The following XKRX variants were observed in gnomAD, a reference collection of about 807,000 sequenced individuals.
XKRX encodes the protein XK-related protein 2.
In XKRX, 11 loss-of-function variants were observed where a neutral mutation model predicts 22.4. The observed-to-expected ratio is 0.49, with a 90% CI of 0.31 to 0.81. The LOEUF is 0.81. Ranked by LOEUF, XKRX falls within the 40% of genes least tolerant of loss-of-function variation. The pLI is 0.05. For missense variants in XKRX, 320 were observed against 336.5 expected, an observed-to-expected ratio of 0.95 and a Z score of 0.38; for synonymous variants, 114 against 132.2, an observed-to-expected ratio of 0.86 and a Z score of 0.94.
chrX:100,935,652 A>G, the XKRX span, among the ~76,000 whole-genome samples: 1 of 112,005 alleles, frequency 8.9e-6, no homozygotes, highest in Non-Finnish European at 1.9e-5. Context: ...ACTGCTCTTC[A>G]GGCCAAGACT....
In XKRX at chrX:100,922,783, C is replaced by A. The variant is rs1205205539; in HGVS notation, c.604+10G>T. 1.5e-5 allele frequency: 18 copies of A among 1,205,745 alleles called. No individual in the cohort carries two copies. The highest frequency in any genetic ancestry group is 2.0e-5 in the Non-Finnish European group (18 of 891,175). On this transcript the variant is annotated intron_variant, in intron 2 of 2. Transcript: ENST00000372956. Reference sequence around the variant, plus strand: ...TAACTGGAGCCCTCCCCTCTCCTGACCCCACTCACCTCTACCCAGGGGAAC... The same window carrying A: ...TAACTGGAGCCCTCCCCTCTCCTGAACCCACTCACCTCTACCCAGGGGAAC...
At chrX:100,929,688 C>T (rs2085514574), upstream of XKRX, among the ~76,000 whole-genome samples, 1 of 111,543 alleles carries the variant, frequency 9.0e-6, no homozygotes, top group African/African-American at 3.3e-5. Context: ...AGCCCACAGA[C>T]ACTGAAAGCT....
chrX:100,899,029 C>T, the XKRX span, among the ~76,000 whole-genome samples: 2 of 111,009 alleles, frequency 1.8e-5, no homozygotes, highest in Admixed American at 1.9e-4. Context: ...AGAGAAGAAT[C>T]CGAGTTCCAG....
At chrX:100,948,059 C>T in the XKRX span, among the ~76,000 whole-genome samples, 7 of 93,685 alleles carry the variant, frequency 7.5e-5, no homozygotes, top group Admixed American at 3.7e-4. Context: ...CAAGCCACCA[C>T]GCCCAGCTAA....
chrX:100,915,875 T>C (rs1270697756), intron 2 of XKRX, among the ~76,000 whole-genome samples: 4 of 110,735 alleles, frequency 3.6e-5, no homozygotes, highest in African/African-American at 9.9e-5. Context: ...TCTAAAAAAG[T>C]TGAACACCTA....
At chrX:100,953,464 CA>C in the XKRX span, among the ~76,000 whole-genome samples, 1 of 106,172 alleles carries the variant, frequency 9.4e-6, no homozygotes. Flanking sequence ...AAGGCACAAG[CA>C]AAAAAAAAGG....
upstream of XKRX, chrX:100,928,927 G>A: frequency 2.3e-5 from 15 of 656,666 alleles, no homozygotes; most frequent in Non-Finnish European, 2.7e-5. Flanking sequence ...GCCGAGTCCA[G>A]GGTTCTCAGG....
the XKRX span, among the ~76,000 whole-genome samples, chrX:100,903,607 C>T: frequency 1.8e-5 from 2 of 111,967 alleles, no homozygotes; most frequent in South Asian, 7.4e-4. Flanking sequence ...TGCTCTACAG[C>T]ATTTGGTATT....
intron 2 of XKRX, among the ~76,000 whole-genome samples, chrX:100,921,547 A>C (rs1416102325): frequency 9.0e-6 from 1 of 111,518 alleles, no homozygotes; most frequent in African/African-American, 3.3e-5. Flanking sequence ...GTTAGAATCT[A>C]ATAGGAAATG....
chrX:100,916,530 G>A, intron 2 of XKRX, among the ~76,000 whole-genome samples: 1 of 112,291 alleles, frequency 8.9e-6, no homozygotes, highest in Non-Finnish European at 1.9e-5. Flanking sequence ...AAGGCGGAAA[G>A]AACTCTATCT....
the XKRX span, among the ~76,000 whole-genome samples, chrX:100,946,179 CGTCTAAAAAGAAAAAAAAAAAAAAGCCTA>C: frequency 1.5e-3 from 161 of 104,705 alleles, no homozygotes; most frequent in African/African-American, 5.2e-3. Context: ...TGTGAGACTC[CGTCTAAAAAGAAAAAAAAAAAAAAGCCTA>C]GCATGGTGCA....
chrX:100,897,593 A>ATG, the XKRX span, among the ~76,000 whole-genome samples: 8,813 of 65,930 alleles, frequency 0.13, 690 homozygotes, highest in East Asian at 0.21. Context: ...AAATATATAT[A>ATG]TGTGTGTGTG....
At chrX:100,957,195 G>T in the XKRX span, 1 of 1,049,605 alleles carries the variant, frequency 9.5e-7, no homozygotes. Flanking sequence ...CTTTTGGAGA[G>T]ATTTTGGCTT....
chrX:100,949,860 A>T, the XKRX span, among the ~76,000 whole-genome samples: 1 of 112,505 alleles, frequency 8.9e-6, no homozygotes, highest in East Asian at 2.8e-4. Context: ...AAAATGCTTC[A>T]ACAAGCAATT....
upstream of XKRX, among the ~76,000 whole-genome samples, chrX:100,930,853 C>T (rs754226497): frequency 1.7e-4 from 19 of 110,309 alleles, no homozygotes; most frequent in African/African-American, 3.0e-4. Context: ...GAGAGTCAGC[C>T]GGGCGCGGTA....
upstream of XKRX, among the ~76,000 whole-genome samples, chrX:100,930,602 G>C (rs2085518407): frequency 9.0e-6 from 1 of 111,471 alleles, no homozygotes; most frequent in African/African-American, 3.3e-5. Context: ...GGGCTAGGAG[G>C]CTGCTCCTTT....
Position 100,928,537 on chromosome X carries a change from G to A in XKRX, c.-233C>T. On this transcript the variant is annotated 5_prime_UTR_variant, in exon 1 of 3. The change creates a premature stop within an existing upstream ORF in the 5' untranslated region. Coordinates refer to ENST00000372956, the MANE Select transcript of XKRX (RefSeq NM_212559.3). ...GAGTACCACTTTGAACTTGACTCTT[G>A]ATTGGCCCCGATTCCAATCGTCAAC... The A allele has an allele frequency of 9.9e-7, 1 of 1,006,810 alleles. No individual in the cohort carries two copies. The highest frequency in any genetic ancestry group is 1.3e-6 in the Non-Finnish European group (1 of 798,247). The allele number at this position is 1,006,810 out of a possible 1,213,427, so 83.0% of individuals were successfully genotyped here. A position where few individuals can be genotyped will look rare whatever the true frequency, so the allele number is the denominator to read the frequency against.
chrX:100,907,699 T>A, the XKRX span, among the ~76,000 whole-genome samples: 1 of 112,210 alleles, frequency 8.9e-6, no homozygotes, highest in Non-Finnish European at 1.9e-5. Flanking sequence ...ATTGTGACTA[T>A]GTTTCCATAG....
chrX:100,923,790 G>A (rs2085485265), intron 1 of XKRX, among the ~76,000 whole-genome samples: 1 of 109,106 alleles, frequency 9.2e-6, no homozygotes. Flanking sequence ...AAAGCATTCA[G>A]CTCCATAACC....
Sources: allele counts gnomAD v4.1 joint callset (sites outside exome capture counted in the v4.1 genomes callset), GRCh38; gene constraint gnomAD v4.1.1; transcripts MANE v1.5; gene names NCBI Gene and HGNC (gene_info 2026-07-23, HGNC 2026-07-21).